GABRG3: variants seen among roughly 807,000 people sequenced by gnomAD.
The protein encoded by GABRG3 is gamma-aminobutyric acid receptor subunit gamma-3.
In GABRG3, 25 loss-of-function variants were observed where a neutral mutation model predicts 48.8. That is an observed-to-expected ratio of 0.51 (90% CI 0.37 to 0.72). The LOEUF (loss-of-function observed/expected upper bound fraction) is 0.72, where lower values mean the gene tolerates loss of function less well. Among genes scored for constraint, GABRG3 ranks in the 30% least tolerant of loss-of-function variants. The pLI is 0.00. For missense variants in GABRG3, 394 were observed against 577.9 expected (o/e 0.68, Z 3.26); for synonymous variants, 227 against 217.6 (o/e 1.04, Z -0.38).
In GABRG3 at chr15:26,977,029, T is replaced by C. The variant is rs2140634353; in HGVS notation, c.81T>C (p.Tyr27=). ...ARSRKVEEDE[Y]EDSSSNQKWV... ...CCAGAAAGGTGGAAGAGGATGAATA[T>C]GAAGATTCATCATCAAACCAAAAGT... Residue 27 remains tyrosine (Y), a synonymous_variant, in exon 2 of 10, where the codon TAT becomes TAC. Coordinates refer to ENST00000615808, the MANE Select transcript of GABRG3 (RefSeq NM_033223.5). 6.2e-7 allele frequency: 1 copy of C among 1,613,952 alleles called. No homozygotes were observed. Among genetic ancestry groups the C allele is most frequent in the Non-Finnish European group, 8.5e-7 (1 of 1,179,880 alleles).
chr15:27,124,005 G>A (rs1897775770), intron 3 of GABRG3, among the ~76,000 whole-genome samples: 2 of 152,198 alleles, frequency 1.3e-5, no homozygotes, highest in Non-Finnish European at 2.9e-5. Context: ...CCCTGCCTTG[G>A]AAGCCTACGC....
At chr15:27,414,259 C>T (rs539529590) in intron 5 of GABRG3, among the ~76,000 whole-genome samples, 3 of 152,282 alleles carry the variant, frequency 2.0e-5, no homozygotes, top group African/African-American at 7.2e-5. Flanking sequence ...TCCCAAAGCC[C>T]TCATGGTTTC....
chr15:27,425,996 G>A (rs1197051340), intron 5 of GABRG3, among the ~76,000 whole-genome samples: 1 of 152,182 alleles, frequency 6.6e-6, no homozygotes, highest in Non-Finnish European at 1.5e-5. Context: ...TGGCAATGGA[G>A]AATGTTATAG....
intron 3 of GABRG3, among the ~76,000 whole-genome samples, chr15:27,099,777 A>G (rs933129020): frequency 1.3e-5 from 2 of 152,188 alleles, no homozygotes; most frequent in Non-Finnish European, 2.9e-5. Context: ...AAGAATGAGA[A>G]ACAAAGGGGA....
intron 5 of GABRG3, among the ~76,000 whole-genome samples, chr15:27,459,656 TA>T (rs552525071): frequency 3.3e-5 from 5 of 152,208 alleles, no homozygotes; most frequent in Admixed American, 6.5e-5. Context: ...AAGGAAACTA[TA>T]AAAAAATATA....
At chr15:26,971,620 C>A in intron 1 of GABRG3, 32 bp downstream of exon 1, 1 of 1,518,260 alleles carries the variant, frequency 6.6e-7, no homozygotes, top group Non-Finnish European at 8.8e-7. Flanking sequence ...TCCCCGGAGG[C>A]CCCGAGCTGG....
At position 27,165,142 on chromosome 15, in the gene GABRG3, A is replaced by G. The variant is rs578194734; in HGVS notation, c.270+138321A>G. On this transcript the variant is annotated intron_variant, in intron 3 of 9. Transcript: ENST00000615808. ...AAACTGATGGTTCTTGAGATCAACC[A>G]TTCAGGGCTATTTAGTTTCCTCTCC... Among the ~76,000 whole-genome samples, 10 of 152,376 alleles carry G rather than the reference A, an allele frequency of 6.6e-5. No individual in the cohort carries two copies. In the South Asian group the frequency reaches 2.1e-3, roughly 32 times the overall value.
rs1387404205 is a variant in GABRG3 at position 27,206,875 on chromosome 15, C to T, written c.271-119934C>T. On this transcript the variant is annotated intron_variant, in intron 3 of 9. Transcript: ENST00000615808. The stretch of plus-strand genomic sequence containing the variant: ...TCTGAAATAAGAATAGCAACCGGTG[C>T]TCTTTTTTTTGTTTTCTGTTTGTCT... 2.6e-5 allele frequency among the ~76,000 whole-genome samples: 4 copies of T among 151,996 alleles called. 1 individual carries two copies. Among genetic ancestry groups the T allele is most frequent in the Admixed American group, 1.3e-4 (2 of 15,268 alleles).
intron 5 of GABRG3, among the ~76,000 whole-genome samples, chr15:27,432,526 T>A (rs529864964): frequency 6.6e-6 from 1 of 152,330 alleles, no homozygotes; most frequent in East Asian, 1.9e-4. Flanking sequence ...AAGAGTCACA[T>A]GCCTGATCAC....
intron 3 of GABRG3, among the ~76,000 whole-genome samples, chr15:27,214,542 A>AT (rs2140436830): frequency 6.6e-6 from 1 of 152,156 alleles, no homozygotes; most frequent in Admixed American, 6.5e-5. Flanking sequence ...TATTAAAAAA[A>AT]ATTCTGTATA....
chr15:27,131,249 C>T (rs1289583345), intron 3 of GABRG3, among the ~76,000 whole-genome samples: 1 of 151,918 alleles, frequency 6.6e-6, no homozygotes, highest in African/African-American at 2.4e-5. Context: ...CACAAAAGGG[C>T]GTTGAAGTTT....
intron 5 of GABRG3, among the ~76,000 whole-genome samples, chr15:27,370,418 G>C (rs1895370349): frequency 6.6e-6 from 1 of 152,212 alleles, no homozygotes; most frequent in South Asian, 2.1e-4. Context: ...TGTTTTAGCT[G>C]TGGACATCAG....
chr15:26,980,863 A>T (rs188554916), intron 2 of GABRG3, among the ~76,000 whole-genome samples: 1 of 151,694 alleles, frequency 6.6e-6, no homozygotes, highest in Non-Finnish European at 1.5e-5. Flanking sequence ...TTTTTCTTTA[A>T]CTCATGAATT....
chr15:27,479,078 AT>A (rs1283994018), intron 5 of GABRG3, among the ~76,000 whole-genome samples: 9 of 152,044 alleles, frequency 5.9e-5, no homozygotes, highest in Admixed American at 4.6e-4. Flanking sequence ...TGATGAAAAT[AT>A]TCTAAAATTA....
At chr15:27,206,356 A>G (rs1888851640) in intron 3 of GABRG3, among the ~76,000 whole-genome samples, 2 of 152,086 alleles carry the variant, frequency 1.3e-5, no homozygotes, top group African/African-American at 4.8e-5. Flanking sequence ...ATCTAATGGT[A>G]TGGTTTTGAG....
At chr15:27,440,233 C>T (rs1002154784) in intron 5 of GABRG3, among the ~76,000 whole-genome samples, 3 of 152,170 alleles carry the variant, frequency 2.0e-5, no homozygotes, top group Non-Finnish European at 4.4e-5. Context: ...AAGATCTTTC[C>T]GCGTTGTACA....
At chr15:27,365,180 T>C (rs1000585992) in intron 5 of GABRG3, 3 of 151,954 alleles carry the variant, frequency 2.0e-5, no homozygotes, top group African/African-American at 4.8e-5. Flanking sequence ...TTTTATGTAA[T>C]ATAAATACAT....
chr15:27,462,206 A>G (rs2150836130), intron 5 of GABRG3, among the ~76,000 whole-genome samples: 1 of 150,354 alleles, frequency 6.7e-6, no homozygotes, highest in Non-Finnish European at 1.5e-5. Context: ...CACTCCCACC[A>G]CTCTCATCCC....
At chr15:27,095,690 G>A (rs1273522722) in intron 3 of GABRG3, among the ~76,000 whole-genome samples, 1 of 152,088 alleles carries the variant, frequency 6.6e-6, no homozygotes, top group Non-Finnish European at 1.5e-5. Context: ...ACTAAACTTA[G>A]GTTTTTCTCT....
Sources: allele counts gnomAD v4.1 joint callset (sites outside exome capture counted in the v4.1 genomes callset), GRCh38; gene constraint gnomAD v4.1.1; transcripts MANE v1.5; gene names NCBI Gene and HGNC (gene_info 2026-07-23, HGNC 2026-07-21).